NUP43: variants seen among roughly 807,000 people sequenced by gnomAD.
NUP43 encodes nucleoporin 43.
In NUP43, 32 loss-of-function variants were observed where a neutral mutation model predicts 47.3. The ratio of observed to expected loss-of-function variants is 0.68; its 90% confidence interval spans 0.51 to 0.91. The LOEUF (loss-of-function observed/expected upper bound fraction) is 0.91, where lower values mean the gene tolerates loss of function less well. NUP43 is among the 40% of genes least tolerant of loss of function. The pLI, the probability that NUP43 is intolerant of heterozygous loss-of-function variation, is 0.00. For synonymous variants in NUP43, 147 were observed against 158.4 expected (o/e 0.93, Z 0.54); for missense variants, 444 against 453.9 (o/e 0.98, Z 0.20).
At chr6:149,745,062 TA>T (rs1785897638) in intron 2 of NUP43, among the ~76,000 whole-genome samples, 1 of 150,550 alleles carries the variant, frequency 6.6e-6, no homozygotes, top group Non-Finnish European at 1.5e-5. Flanking sequence ...CAGGGCTAGG[TA>T]GCTTTCTATG....
intron 6 of NUP43, among the ~76,000 whole-genome samples, chr6:149,735,473 T>C (rs1412930925): frequency 1.3e-5 from 2 of 151,830 alleles, no homozygotes; most frequent in African/African-American, 4.8e-5. Context: ...AGGCTGGGCA[T>C]GGGCATAATG....
chr6:149,727,804 A>G, intron 7 of NUP43: 1 of 984,134 alleles, frequency 1.0e-6, no homozygotes, highest in South Asian at 4.7e-5. Flanking sequence ...CACTGTACTT[A>G]CTATAGAATA....
chr6:149,726,824 T>C lies in NUP43; in HGVS notation c.*145A>G, dbSNP rs1007030712. On this transcript the variant is annotated 3_prime_UTR_variant, in exon 8 of 8. Transcript: ENST00000340413. ...TTTGGGAGTGTCAGGCTAACAAAAG[T>C]CAAAACTGGGCATTGACATTAATGG... 1 of 649,906 alleles carries C rather than the reference T, an allele frequency of 1.5e-6. No individual in the cohort carries two copies. The highest frequency in any genetic ancestry group is 2.7e-5 in the Admixed American group (1 of 36,780). The allele number at this position is 649,906 out of a possible 1,614,324, so 40.3% of individuals were successfully genotyped here.
Position 149,746,040 on chromosome 6 carries a change from G to A in NUP43, c.143C>T (p.Ser48Phe). The part of the protein sequence containing the change: ...DNEENYISLW[S>F]IGDFGNLDSD... ...GTCCAAGTTTCCAAAATCTCCAATA[G>A]ACCACAGTGAAATATAATTTTCCTG... Residue 48 changes from serine (S) to phenylalanine (F), a missense_variant, in exon 2 of 8, where the codon TCT becomes TTT. Coordinates refer to ENST00000340413, the MANE Select transcript of NUP43 (RefSeq NM_198887.3). The A allele has an allele frequency of 1.2e-6, 2 of 1,613,644 alleles. No homozygotes were observed. Among genetic ancestry groups the A allele is most frequent in the Non-Finnish European group, 1.7e-6 (2 of 1,179,878 alleles).
intron 7 of NUP43, among the ~76,000 whole-genome samples, chr6:149,729,272 G>A (rs1443666514): frequency 6.6e-6 from 1 of 152,150 alleles, no homozygotes; most frequent in African/African-American, 2.4e-5. Context: ...GATTACAGGT[G>A]TGAGCCACCG....
In NUP43 at chr6:149,727,005, T is replaced by C; in HGVS notation, c.1107A>G (p.Ala369=). 1.2e-6 allele frequency: 2 copies of C among 1,614,062 alleles called. No homozygotes were observed. Among genetic ancestry groups the C allele is most frequent in the South Asian group, 2.2e-5 (2 of 91,084 alleles). ...LGPCLVCGTD[A]EAIYVTRHLF... ...GATGTCTAGTAACATAAATTGCTTC[T>C]GCATCGGTTCCACAAACAAGACAAG... Residue 369 remains alanine, a synonymous_variant, in exon 8 of 8, where the codon GCA becomes GCG. Coordinates refer to ENST00000340413, the MANE Select transcript of NUP43 (RefSeq NM_198887.3).
Position 149,743,659 on chromosome 6 carries a change from G to C in NUP43, c.300C>G (p.Phe100Leu). ...TTACCTGGTTATTTGGATGGTGAAG[G>C]AAAACTGTTACACATCCTGTTGATG... ...AASSTGCVTV[F>L]LHHPNNQTLS... Residue 100 changes from phenylalanine to leucine, a missense_variant, in exon 3 of 8, where the codon TTC (phenylalanine) becomes TTG (leucine). Coordinates refer to ENST00000340413, the MANE Select transcript of NUP43 (RefSeq NM_198887.3). 6.2e-7 allele frequency: 1 copy of C among 1,607,314 alleles called. No homozygotes were observed. The highest frequency in any genetic ancestry group is 8.5e-7 in the Non-Finnish European group (1 of 1,175,744).
upstream of NUP43, among the ~76,000 whole-genome samples, chr6:149,748,888 A>G (rs944561300): frequency 1.3e-5 from 2 of 150,996 alleles, no homozygotes; most frequent in Admixed American, 1.3e-4. Flanking sequence ...TCTAATTAGG[A>G]GTCAGCGATT....
intron 7 of NUP43, chr6:149,727,501 G>A (rs191533480): frequency 6.1e-6 from 6 of 984,598 alleles, no homozygotes; most frequent in East Asian, 1.1e-4. Flanking sequence ...GTAGCAAAAC[G>A]GCCAGCATAC....
chr6:149,726,441 T>C lies in NUP43; in HGVS notation c.*528A>G, dbSNP rs999885055. On this transcript the variant is annotated 3_prime_UTR_variant, in exon 8 of 8. Coordinates refer to ENST00000340413, the MANE Select transcript of NUP43 (RefSeq NM_198887.3). ...AATTGAACACAGCTACACATCTTTG[T>C]CATTTTTGCTCTACTCAATTCTTTC... 1 of 153,664 alleles carries C rather than the reference T, an allele frequency of 6.5e-6. No individual in the cohort carries two copies. The highest frequency in any genetic ancestry group is 1.4e-5 in the Non-Finnish European group (1 of 69,276). 9.5% of individuals were successfully genotyped at this position (153,664 alleles called of 1,614,324 possible). A position where few individuals can be genotyped will look rare whatever the true frequency, so the allele number is the denominator to read the frequency against.
intron 4 of NUP43, among the ~76,000 whole-genome samples, chr6:149,739,653 C>G (rs769731641): frequency 6.6e-6 from 1 of 151,842 alleles, no homozygotes; most frequent in Non-Finnish European, 1.5e-5. Flanking sequence ...AGATTGTTAC[C>G]CTGCATTTCT....
intron 6 of NUP43, among the ~76,000 whole-genome samples, chr6:149,732,112 G>A (rs922031449): frequency 2.0e-5 from 3 of 150,796 alleles, no homozygotes; most frequent in Non-Finnish European, 4.4e-5. Context: ...AACCTGGGAG[G>A]CGGAGGTTGC....
chr6:149,742,530 T>C lies in NUP43; in HGVS notation c.362A>G (p.His121Arg), dbSNP rs576552855. The C allele has an allele frequency of 3.2e-5, 51 of 1,614,088 alleles. No homozygotes were observed. Among genetic ancestry groups the C allele is most frequent in the African/African-American group, 4.0e-5 (3 of 74,948 alleles). ...VNQQWTTAHY[H>R]TGPGSPSYSS... is the part of the protein sequence containing the mutation. ...ATAGGAAGGACTGCCAGGGCCTGTG[T>C]GGTAGTGAGCTGTAGTCCACTGCTG... is the stretch of plus-strand genomic sequence containing the variant. The change falls in exon 4 of 8, where the codon CAC (histidine) becomes CGC (arginine). Residue 121 changes from histidine to arginine, a missense_variant. By Grantham distance (29) the His-to-Arg change is conservative. Coordinates refer to ENST00000340413, the MANE Select transcript of NUP43 (RefSeq NM_198887.3).
At chr6:149,740,692 T>C (rs1251347293) in intron 4 of NUP43, among the ~76,000 whole-genome samples, 1 of 152,112 alleles carries the variant, frequency 6.6e-6, no homozygotes, top group Non-Finnish European at 1.5e-5. Flanking sequence ...CTAGAGATTC[T>C]GATTTAAAAG....
chr6:149,739,557 A>G (rs554328082), intron 4 of NUP43, among the ~76,000 whole-genome samples: 3 of 152,210 alleles, frequency 2.0e-5, no homozygotes, highest in African/African-American at 7.2e-5. Context: ...AAAGTGCTAG[A>G]ATTACAGGCA....
At chr6:149,746,566 G>A (rs140195761), upstream of NUP43, 3 of 1,612,594 alleles carry the variant, frequency 1.9e-6, no homozygotes, top group African/African-American at 2.7e-5. Context: ...GCCTCTTCCC[G>A]CGGAACCCTG....
chr6:149,746,478 C>T lies in NUP43; in HGVS notation c.18G>A (p.Ala6=). 1 of 1,614,204 alleles carries T rather than the reference C, an allele frequency of 6.2e-7. No individual in the cohort carries two copies. Among genetic ancestry groups the T allele is most frequent in the Non-Finnish European group, 8.5e-7 (1 of 1,180,038 alleles). Residue 6 remains alanine, a synonymous_variant, in exon 1 of 8, where the codon GCG becomes GCA. Coordinates refer to ENST00000340413, the MANE Select transcript of NUP43 (RefSeq NM_198887.3). The stretch of plus-strand genomic sequence containing the variant: ...TGCTGATTTTCTGGGACACAAACTT[C>T]GCATAAATTTCCTCCATGCCGAAAG... MEEIY[A]KFVSQKISKT...
chr6:149,745,196 A>G (rs1192756697), intron 2 of NUP43, among the ~76,000 whole-genome samples: 1 of 151,980 alleles, frequency 6.6e-6, no homozygotes, highest in Non-Finnish European at 1.5e-5. Context: ...GTCAGGAAAT[A>G]GAGACCATCG....
At position 149,746,033 on chromosome 6, in the gene NUP43, T is replaced by A; in HGVS notation, c.150A>T (p.Gly50=). The A allele has an allele frequency of 6.2e-7, 1 of 1,613,890 alleles. No homozygotes were observed. The highest frequency in any genetic ancestry group is 1.1e-5 in the South Asian group (1 of 91,070). Reference sequence around the variant, plus strand: ...CATCAGAGTCCAAGTTTCCAAAATCTCCAATAGACCACAGTGAAATATAAT... The same window carrying A: ...CATCAGAGTCCAAGTTTCCAAAATCACCAATAGACCACAGTGAAATATAAT... ...EENYISLWSI[G]DFGNLDSDGG... The change falls in exon 2 of 8, where the codon GGA becomes GGT. Residue 50 remains glycine (G), a synonymous_variant. Transcript: ENST00000340413.
Sources: allele counts gnomAD v4.1 joint callset (sites outside exome capture counted in the v4.1 genomes callset), GRCh38; gene constraint gnomAD v4.1.1; transcripts MANE v1.5; gene names NCBI Gene and HGNC (gene_info 2026-07-23, HGNC 2026-07-21).